Variants in COP1 observed in about 807,000 individuals in gnomAD.
The protein encoded by COP1 is COP1 E3 ubiquitin ligase.
COP1 carries 24 observed loss-of-function variants against 101.3 expected under a neutral mutation model. The observed-to-expected ratio is 0.24, with a 90% CI of 0.17 to 0.33. COP1 has a LOEUF of 0.33. COP1 is among the 10% of genes least tolerant of loss of function. COP1 has a pLI of 1.00. For missense variants in COP1, 663 were observed against 906.2 expected (o/e 0.73, Z 3.45); for synonymous variants, 347 against 341.9 (o/e 1.01, Z -0.17).
chr1:176,124,365 A>C (rs1481526425), intron 8 of COP1, among the ~76,000 whole-genome samples: 1 of 150,318 alleles, frequency 6.7e-6, no homozygotes, highest in Non-Finnish European at 1.5e-5. Flanking sequence ...TATTCATTTT[A>C]ATTAATTTTT....
chr1:175,946,165 T>C (rs1212618223), intron 19 of COP1, among the ~76,000 whole-genome samples: 1 of 152,170 alleles, frequency 6.6e-6, no homozygotes, highest in Admixed American at 6.5e-5. Flanking sequence ...ACCATCTTGC[T>C]TGAGGCTTCC....
chr1:176,139,284 A>G (rs1480355885), intron 6 of COP1, among the ~76,000 whole-genome samples: 1 of 124,680 alleles, frequency 8.0e-6, no homozygotes, highest in Admixed American at 8.3e-5. Flanking sequence ...AAAAACAAAA[A>G]AAACAAAAAA....
At chr1:176,089,209 C>T (rs1680815248) in intron 9 of COP1, among the ~76,000 whole-genome samples, 1 of 151,952 alleles carries the variant, frequency 6.6e-6, no homozygotes, top group Non-Finnish European at 1.5e-5. Flanking sequence ...AGGAGAATCA[C>T]TTGAACCAGG....
chr1:176,180,074 G>A (rs1558270131), intron 2 of COP1, among the ~76,000 whole-genome samples: 2 of 152,120 alleles, frequency 1.3e-5, no homozygotes, highest in Non-Finnish European at 2.9e-5. Flanking sequence ...AAAGAGACCT[G>A]CCTTAGTTTG....
chr1:175,965,178 A>G (rs183416090), intron 18 of COP1, among the ~76,000 whole-genome samples: 1 of 152,180 alleles, frequency 6.6e-6, no homozygotes, highest in East Asian at 1.9e-4. Context: ...CTCCTCATGT[A>G]GGAGGTCATG....
chr1:176,140,992 T>C (rs1413059423), intron 6 of COP1, among the ~76,000 whole-genome samples: 1 of 152,188 alleles, frequency 6.6e-6, no homozygotes, highest in Non-Finnish European at 1.5e-5. Context: ...CTTACGAAGA[T>C]AATAGATAGA....
intron 1 of COP1, among the ~76,000 whole-genome samples, chr1:176,205,772 T>C (rs573777169): frequency 6.6e-6 from 1 of 152,342 alleles, no homozygotes; most frequent in African/African-American, 2.4e-5. Context: ...TCATTCAAGA[T>C]GCCAACTATG....
chr1:176,020,323 A>G (rs555622511), intron 15 of COP1, among the ~76,000 whole-genome samples: 1 of 151,972 alleles, frequency 6.6e-6, no homozygotes, highest in Non-Finnish European at 1.5e-5. Flanking sequence ...AAAAAAAAAA[A>G]AAAAAAAACC....
rs978838941 is a variant in COP1 at position 176,147,815 on chromosome 1, T to C, written c.831+1191A>G. 6.6e-5 allele frequency among the ~76,000 whole-genome samples: 10 copies of C among 152,328 alleles called. No homozygotes were observed. The East Asian group carries it at 1.9e-3, about 29-fold the overall frequency. Reference sequence around the variant, plus strand: ...CGGAAGAATTAATGTTGGAAAGGAATTCTCCATTATCTCTCCAGAAATGCA... The same window carrying C: ...CGGAAGAATTAATGTTGGAAAGGAACTCTCCATTATCTCTCCAGAAATGCA... On this transcript the variant is annotated intron_variant, in intron 6 of 19. Transcript: ENST00000367669.
intron 15 of COP1, among the ~76,000 whole-genome samples, chr1:175,992,673 A>T (rs1257355235): frequency 6.6e-6 from 1 of 152,236 alleles, no homozygotes; most frequent in African/African-American, 2.4e-5. Context: ...TCAAACTGCA[A>T]GGCGGCAGCG....
intron 8 of COP1, among the ~76,000 whole-genome samples, chr1:176,122,945 A>G (rs770399040): frequency 2.6e-5 from 4 of 152,218 alleles, no homozygotes; most frequent in Non-Finnish European, 5.9e-5. Flanking sequence ...AAAATAGACA[A>G]AAATAAGCTC....
intron 18 of COP1, among the ~76,000 whole-genome samples, chr1:175,979,332 AC>A (rs1289108177): frequency 6.6e-6 from 1 of 152,144 alleles, no homozygotes; most frequent in Non-Finnish European, 1.5e-5. Flanking sequence ...CATCTTTTAT[AC>A]TTTAATGAAA....
intron 1 of COP1, among the ~76,000 whole-genome samples, chr1:176,193,375 G>C (rs1217716896): frequency 6.6e-6 from 1 of 152,092 alleles, no homozygotes; most frequent in African/African-American, 2.4e-5. Flanking sequence ...TACTCAGAAA[G>C]CAAAACACAA....
chr1:176,125,202 G>C (rs1408221169), intron 8 of COP1, among the ~76,000 whole-genome samples: 11 of 152,018 alleles, frequency 7.2e-5, no homozygotes, highest in African/African-American at 2.7e-4. Flanking sequence ...CCAATTCTGT[G>C]GGTTGTCTCT....
chr1:176,021,297 G>T (rs937846166), intron 15 of COP1, among the ~76,000 whole-genome samples: 4 of 152,128 alleles, frequency 2.6e-5, no homozygotes, highest in African/African-American at 9.7e-5. Context: ...CACACCAGAA[G>T]TAAAAGCATT....
At chr1:176,110,669 CA>C (rs773036722) in intron 9 of COP1, among the ~76,000 whole-genome samples, 1 of 151,962 alleles carries the variant, frequency 6.6e-6, no homozygotes, top group Non-Finnish European at 1.5e-5. Context: ...AACAAAACAA[CA>C]AAAAAAGATG....
chr1:176,022,058 T>C (rs1226931616), intron 15 of COP1, among the ~76,000 whole-genome samples: 1 of 152,224 alleles, frequency 6.6e-6, no homozygotes, highest in African/African-American at 2.4e-5. Flanking sequence ...AATTAATGTA[T>C]TTTGAGGCAA....
chr1:175,966,530 G>C (rs1414314699), intron 18 of COP1, among the ~76,000 whole-genome samples: 2 of 152,120 alleles, frequency 1.3e-5, no homozygotes, highest in Non-Finnish European at 2.9e-5. Context: ...GCAAAGCCAG[G>C]AATCAACTTG....
chr1:176,168,292 C>A (rs1409625988), intron 3 of COP1, among the ~76,000 whole-genome samples: 3 of 151,432 alleles, frequency 2.0e-5, no homozygotes, highest in African/African-American at 2.4e-5. Context: ...CTCCTGACCT[C>A]GTGATCCGCC....
Sources: allele counts gnomAD v4.1 joint callset (sites outside exome capture counted in the v4.1 genomes callset), GRCh38; gene constraint gnomAD v4.1.1; transcripts MANE v1.5; gene names NCBI Gene and HGNC (gene_info 2026-07-23, HGNC 2026-07-21).